Variants in EYS observed in about 807,000 individuals in gnomAD.
The protein encoded by EYS is protein eyes shut homolog.
Under a neutral mutation model 282.1 loss-of-function variants are expected in EYS, and 250 were observed. That is an observed-to-expected ratio of 0.89 (90% CI 0.80 to 0.98). The LOEUF (loss-of-function observed/expected upper bound fraction) is 0.98. EYS is among the 50% of genes least tolerant of loss of function. EYS has a pLI of 0.00. For synonymous variants in EYS, 1,355 were observed against 1,282.9 expected (o/e 1.06, Z -1.20); for missense variants, 4,016 against 3,709.0 (o/e 1.08, Z -2.15).
At chr6:64,243,882 A>G (rs576402884) in intron 30 of EYS, among the ~76,000 whole-genome samples, 1 of 152,188 alleles carries the variant, frequency 6.6e-6, no homozygotes, top group South Asian at 2.1e-4. Context: ...CTATTGATAA[A>G]CATCATGGTT....
intron 6 of EYS, among the ~76,000 whole-genome samples, chr6:65,402,933 C>T (rs1224072692): frequency 1.3e-5 from 2 of 152,094 alleles, no homozygotes; most frequent in Non-Finnish European, 2.9e-5. Context: ...AGAATGCTTG[C>T]TCTTTGAACC....
At chr6:64,282,128 A>G (rs970569994) in intron 30 of EYS, among the ~76,000 whole-genome samples, 1 of 152,174 alleles carries the variant, frequency 6.6e-6, no homozygotes, top group Non-Finnish European at 1.5e-5. Context: ...AAATAAAAAC[A>G]TGGAATCATC....
intron 35 of EYS, among the ~76,000 whole-genome samples, chr6:63,955,702 C>T (rs978379005): frequency 6.6e-6 from 1 of 152,178 alleles, no homozygotes; most frequent in African/African-American, 2.4e-5. Flanking sequence ...ATCAATCTGG[C>T]CTGGTATATG....
At chr6:65,381,717 C>T (rs1307692650) in intron 8 of EYS, among the ~76,000 whole-genome samples, 1 of 151,894 alleles carries the variant, frequency 6.6e-6, no homozygotes. Context: ...TAAAGATTAT[C>T]TATACAATAT....
intron 5 of EYS, among the ~76,000 whole-genome samples, chr6:65,439,203 A>G (rs1011115390): frequency 2.6e-5 from 4 of 152,030 alleles, no homozygotes; most frequent in Non-Finnish European, 5.9e-5. Flanking sequence ...GTTCTGTTCC[A>G]TTGGTCTATA....
intron 29 of EYS, among the ~76,000 whole-genome samples, chr6:64,329,179 T>G (rs1770541015): frequency 6.6e-6 from 1 of 152,110 alleles, no homozygotes; most frequent in Non-Finnish European, 1.5e-5. Context: ...GAGCACTCGG[T>G]AGTAAATCAA....
chr6:64,459,043 T>C (rs141976860), intron 26 of EYS, among the ~76,000 whole-genome samples: 143 of 152,338 alleles, frequency 9.4e-4, no homozygotes, highest in African/African-American at 3.2e-3. Context: ...TTAGTGAATG[T>C]ATAAACACTG....
chr6:65,568,662 C>T (rs183925943), intron 2 of EYS, among the ~76,000 whole-genome samples: 84 of 152,230 alleles, frequency 5.5e-4, no homozygotes, highest in Non-Finnish European at 1.0e-3. Context: ...TAGTCATGTC[C>T]TCCAAGCTGC....
At chr6:63,934,950 T>C (rs1765013630) in intron 35 of EYS, among the ~76,000 whole-genome samples, 1 of 152,142 alleles carries the variant, frequency 6.6e-6, no homozygotes, top group African/African-American at 2.4e-5. Context: ...AAAAACTACC[T>C]GCTTTTTTTC....
chr6:64,423,967 T>C (rs1774319281), intron 28 of EYS, among the ~76,000 whole-genome samples: 1 of 152,204 alleles, frequency 6.6e-6, no homozygotes, highest in African/African-American at 2.4e-5. Flanking sequence ...TGGAAGAAAA[T>C]GTTTATTTTA....
chr6:65,539,576 G>T (rs1050005770), intron 2 of EYS, among the ~76,000 whole-genome samples: 1 of 152,068 alleles, frequency 6.6e-6, no homozygotes, highest in African/African-American at 2.4e-5. Context: ...TGCTAATTTA[G>T]ACAGGTAGGC....
intron 41 of EYS, among the ~76,000 whole-genome samples, chr6:63,737,203 A>C (rs1408648116): frequency 2.0e-5 from 3 of 152,128 alleles, no homozygotes; most frequent in Non-Finnish European, 4.4e-5. Context: ...TTGCCCATTC[A>C]GGATGATATT....
chr6:64,391,798 G>A (rs4499908), intron 28 of EYS, among the ~76,000 whole-genome samples: 109,814 of 151,968 alleles, frequency 0.72, 39,791 homozygotes, highest in African/African-American at 0.79. Flanking sequence ...ATGTAAATGG[G>A]CTAAATGCTC....
chr6:64,746,358 C>G (rs1242771959), intron 22 of EYS, among the ~76,000 whole-genome samples: 1 of 151,900 alleles, frequency 6.6e-6, no homozygotes, highest in East Asian at 1.9e-4. Flanking sequence ...TCTCTTTGCC[C>G]TTCACCATGA....
intron 30 of EYS, among the ~76,000 whole-genome samples, chr6:64,274,782 A>T (rs1768057682): frequency 6.6e-6 from 1 of 152,066 alleles, no homozygotes; most frequent in Non-Finnish European, 1.5e-5. Flanking sequence ...ATTGAGAATG[A>T]CAGCCTGATC....
At chr6:65,674,010 G>A (rs1271531428) in intron 1 of EYS, among the ~76,000 whole-genome samples, 1 of 151,830 alleles carries the variant, frequency 6.6e-6, no homozygotes, top group East Asian at 1.9e-4. Flanking sequence ...TGAAACTAAA[G>A]AATAAAATTA....
rs1429123968 is a variant in EYS, at chr6:65,694,733, T to A, written c.-448+12402A>T. ...AGCAACGAGGTAAACCATTGGCTTG[T>A]TGTAGATTTAAAAAAAAAAAAAAAA... On this transcript the variant is annotated intron_variant, in intron 1 of 42. Coordinates refer to ENST00000503581, the MANE Select transcript of EYS (RefSeq NM_001142800.2). Among the ~76,000 whole-genome samples, 5 of 129,336 alleles carry A rather than the reference T, an allele frequency of 3.9e-5. 1 individual carries two copies. In the East Asian group the frequency reaches 1.6e-3, roughly 42 times the overall value. 84.8% of individuals were successfully genotyped at this position (129,336 alleles called of 152,430 possible). A position where few individuals can be genotyped will look rare whatever the true frequency, so the allele number is the denominator to read the frequency against.
intron 14 of EYS, among the ~76,000 whole-genome samples, chr6:64,986,239 T>C (rs1027702545): frequency 6.6e-6 from 1 of 151,528 alleles, no homozygotes; most frequent in Non-Finnish European, 1.5e-5. Context: ...GCCAGGCTTA[T>C]TATTCAAAGA....
At chr6:64,918,383 GCAA>G (rs1357527455) in intron 15 of EYS, among the ~76,000 whole-genome samples, 2 of 152,078 alleles carry the variant, frequency 1.3e-5, no homozygotes, top group African/African-American at 4.8e-5. Context: ...GAAAACTACT[GCAA>G]CAACAAGAAA....
Sources: gnomAD v4.1 joint callset for allele counts (sites outside exome capture counted in the v4.1 genomes callset) on GRCh38, gnomAD v4.1.1 for gene constraint, MANE v1.5 for transcripts, NCBI Gene and HGNC (gene_info 2026-07-23, HGNC 2026-07-21) for gene names.